Variants in CREG2 observed in about 807,000 individuals in gnomAD.
CREG2 encodes the protein protein CREG2.
CREG2 carries 24 observed loss-of-function variants against 26.2 expected under a neutral mutation model. The observed-to-expected ratio is 0.92, with a 90% CI of 0.66 to 1.29. The LOEUF (loss-of-function observed/expected upper bound fraction) is 1.29, where lower values mean the gene tolerates loss of function less well. CREG2 is among the 50% of genes most tolerant of loss of function. The probability of loss-of-function intolerance (pLI) is 0.00; values close to 1 mark genes in which losing one functional copy is unlikely to be tolerated. For synonymous variants in CREG2, 174 were observed against 169.2 expected, an observed-to-expected ratio of 1.03 and a Z score of -0.22; for missense variants, 366 against 398.6, an observed-to-expected ratio of 0.92 and a Z score of 0.70.
In CREG2 at chr2:101,387,469, C is replaced by T. The variant is rs1432675918; in HGVS notation, c.-12G>A. 12 of 1,037,990 alleles carry T rather than the reference C, an allele frequency of 1.2e-5. No homozygotes were observed. Among genetic ancestry groups the T allele is most frequent in the Non-Finnish European group, 1.3e-5 (11 of 817,840 alleles). The allele number at this position is 1,037,990 out of a possible 1,614,324, so 64.3% of individuals were successfully genotyped here. On this transcript the variant is annotated 5_prime_UTR_variant, in exon 1 of 4. Transcript: ENST00000324768. This position sits in a 1 kb window ranked among gnomAD's most constrained non-coding sequence, Gnocchi z 4.7. The stretch of plus-strand genomic sequence containing the variant: ...CGGCGCACGGACATCTTGCAGGCAG[C>T]ACGCCCGGCCGCCGGGGCCGCCAGC...
rs1225897089 is a variant in CREG2 at position 101,348,293 on chromosome 2, T to G, written c.*2630A>C. 2 of 152,242 alleles carry G rather than the reference T, an allele frequency of 1.3e-5. No homozygotes were observed. Among genetic ancestry groups the G allele is most frequent in the African/African-American group, 4.8e-5 (2 of 41,464 alleles). 9.4% of individuals were successfully genotyped at this position (152,242 alleles called of 1,614,324 possible). A position where few individuals can be genotyped will look rare whatever the true frequency, so the allele number is the denominator to read the frequency against. ...TTTAGCTATTTCAATGCCTGTGCCTTTCCATGTAACTTTTAAAATAAGCTT... is the reference window on the plus strand; with the variant it reads ...TTTAGCTATTTCAATGCCTGTGCCTGTCCATGTAACTTTTAAAATAAGCTT... On this transcript the variant is annotated 3_prime_UTR_variant, in exon 4 of 4. Coordinates refer to ENST00000324768, the MANE Select transcript of CREG2 (RefSeq NM_153836.4).
At chr2:101,367,818 C>G (rs977690510) in intron 2 of CREG2, among the ~76,000 whole-genome samples, 1 of 152,186 alleles carries the variant, frequency 6.6e-6, no homozygotes, top group Non-Finnish European at 1.5e-5. Context: ...CAGAAGCAAG[C>G]CCTGAGATTG....
chr2:101,358,135 G>A (rs80217365), intron 2 of CREG2, among the ~76,000 whole-genome samples: 1 of 152,110 alleles, frequency 6.6e-6, no homozygotes, highest in Non-Finnish European at 1.5e-5. Context: ...GGGATTACAG[G>A]CTCACACCAC....
At chr2:101,365,235 T>C (rs972481959) in intron 2 of CREG2, among the ~76,000 whole-genome samples, 7 of 152,202 alleles carry the variant, frequency 4.6e-5, no homozygotes, top group Non-Finnish European at 1.0e-4. Context: ...GTGCTAGCCT[T>C]TCCGGCATCT....
At chr2:101,363,474 T>C (rs1684574664) in intron 2 of CREG2, among the ~76,000 whole-genome samples, 1 of 152,238 alleles carries the variant, frequency 6.6e-6, no homozygotes, top group African/African-American at 2.4e-5. Context: ...GGGATGCGTT[T>C]TTCTAAAAAT....
At chr2:101,365,379 G>C (rs1002490641) in intron 2 of CREG2, among the ~76,000 whole-genome samples, 1 of 152,088 alleles carries the variant, frequency 6.6e-6, no homozygotes, top group African/African-American at 2.4e-5. Flanking sequence ...AGGTGAGCAA[G>C]GTTGGGGAGG....
At chr2:101,381,064 T>A (rs941359442) in intron 2 of CREG2, among the ~76,000 whole-genome samples, 1 of 152,150 alleles carries the variant, frequency 6.6e-6, no homozygotes, top group Non-Finnish European at 1.5e-5. Context: ...GTCGTTATCA[T>A]CGTAAGACAT....
At chr2:101,362,925 G>A (rs1684564594) in intron 2 of CREG2, among the ~76,000 whole-genome samples, 1 of 152,160 alleles carries the variant, frequency 6.6e-6, no homozygotes, top group Admixed American at 6.5e-5. Flanking sequence ...CCCTGGTGGA[G>A]AGTGGCAGGA....
rs1013323058 is a variant in CREG2 at position 101,355,349 on chromosome 2, G to A, written c.629C>T (p.Pro210Leu). ...TAACTGGACACATCGGGGATCTTCCGGATCAACGATGTTTTTTCTGCATGT... is the reference window on the plus strand; with the variant it reads ...TAACTGGACACATCGGGGATCTTCCAGATCAACGATGTTTTTTCTGCATGT... The part of the protein sequence containing the change: ...GEFCRKNIVD[P>L]EDPRCVQLTL... Residue 210 changes from proline to leucine, a missense_variant, in exon 3 of 4, where the codon CCG becomes CTG. This residue lies in a region of CREG2 where 174 missense variants were observed against 178.2 expected (regional missense o/e 0.98). Coordinates refer to ENST00000324768, the MANE Select transcript of CREG2 (RefSeq NM_153836.4). 38 of 1,612,416 alleles carry A rather than the reference G, an allele frequency of 2.4e-5. No individual in the cohort carries two copies. The highest frequency in any genetic ancestry group is 1.6e-4 in the Middle Eastern group (1 of 6,084).
chr2:101,379,725 A>C (rs1684841325), intron 2 of CREG2, among the ~76,000 whole-genome samples: 1 of 152,234 alleles, frequency 6.6e-6, no homozygotes, highest in Non-Finnish European at 1.5e-5. Context: ...TAAGTCAATC[A>C]GTAAAGAGGC....
chr2:101,371,973 G>A (rs1270297584), intron 2 of CREG2, among the ~76,000 whole-genome samples: 1 of 151,614 alleles, frequency 6.6e-6, no homozygotes, highest in African/African-American at 2.4e-5. Context: ...AGGTAAAGAA[G>A]GGAGGGAACA....
intron 1 of CREG2, 82 bp downstream of exon 1, chr2:101,386,935 C>G: frequency 3.3e-6 from 4 of 1,204,244 alleles, no homozygotes; most frequent in Non-Finnish European, 4.1e-6. Flanking sequence ...CAGTCCCGAG[C>G]GGTCGCGAGC....
chr2:101,349,198 A>G lies in CREG2; in HGVS notation c.*1725T>C, dbSNP rs985309493. 2.0e-5 allele frequency: 3 copies of G among 152,548 alleles called. No individual in the cohort carries two copies. Among genetic ancestry groups the G allele is most frequent in the African/African-American group, 7.2e-5 (3 of 41,406 alleles). 9.4% of individuals were successfully genotyped at this position (152,548 alleles called of 1,614,324 possible). A position where few individuals can be genotyped will look rare whatever the true frequency, so the allele number is the denominator to read the frequency against. On this transcript the variant is annotated 3_prime_UTR_variant, in exon 4 of 4. Transcript: ENST00000324768. The stretch of plus-strand genomic sequence containing the variant: ...CATTTGTTCTTCCAGCTTTCTCCCC[A>G]TTTTTCTAAATTGGGAGTAGCAATA...
chr2:101,380,133 C>A (rs1684850482), intron 2 of CREG2, among the ~76,000 whole-genome samples: 1 of 151,978 alleles, frequency 6.6e-6, no homozygotes, highest in South Asian at 2.1e-4. Flanking sequence ...TCTATTTTTC[C>A]ATTTATGTAT....
intron 1 of CREG2, among the ~76,000 whole-genome samples, chr2:101,385,201 C>T (rs1449629964): frequency 6.6e-6 from 1 of 152,030 alleles, no homozygotes; most frequent in Non-Finnish European, 1.5e-5. Flanking sequence ...TTTTTTGAGA[C>T]AGAGTCTCAC....
At chr2:101,373,538 T>C (rs1684743789) in intron 2 of CREG2, among the ~76,000 whole-genome samples, 1 of 152,224 alleles carries the variant, frequency 6.6e-6, no homozygotes, top group Non-Finnish European at 1.5e-5. Flanking sequence ...TCATCACTTA[T>C]TTGTGTCATT....
chr2:101,381,791 C>G (rs1043573622), intron 2 of CREG2, among the ~76,000 whole-genome samples: 1 of 152,160 alleles, frequency 6.6e-6, no homozygotes, highest in African/African-American at 2.4e-5. Flanking sequence ...ACCCAGTTAG[C>G]CAGGGGGCTG....
intron 3 of CREG2, among the ~76,000 whole-genome samples, chr2:101,354,694 C>T (rs1210733669): frequency 3.3e-5 from 5 of 152,212 alleles, no homozygotes; most frequent in South Asian, 2.1e-4. Flanking sequence ...GGGCCCCCCT[C>T]TCACTTGTGT....
chr2:101,380,902 C>A (rs1414488730), intron 2 of CREG2, among the ~76,000 whole-genome samples: 1 of 152,104 alleles, frequency 6.6e-6, no homozygotes, highest in African/African-American at 2.4e-5. Context: ...TGAGATTGAG[C>A]CACTGCACTC....
Sources: allele counts gnomAD v4.1 joint callset (sites outside exome capture counted in the v4.1 genomes callset), GRCh38; gene constraint gnomAD v4.1.1; regional missense constraint gnomAD v4.1.1; non-coding constraint Gnocchi (gnomAD v3.1); transcripts MANE v1.5; gene names NCBI Gene and HGNC (gene_info 2026-07-23, HGNC 2026-07-21).